Variants in TMEM40 observed in about 807,000 individuals in gnomAD.
The protein encoded by TMEM40 is transmembrane protein 40.
In TMEM40, 34 loss-of-function variants were observed where a neutral mutation model predicts 40.8. The ratio of observed to expected loss-of-function variants is 0.83; its 90% CI spans 0.63 to 1.11. The LOEUF is 1.11. TMEM40 is among the 50% of genes least tolerant of loss of function. TMEM40 has a pLI of 0.00. For synonymous variants in TMEM40, 106 were observed against 107.0 expected, an observed-to-expected ratio of 0.99 and a Z score of 0.06; for missense variants, 296 against 280.2, an observed-to-expected ratio of 1.06 and a Z score of -0.40.
intron 1 of TMEM40, among the ~76,000 whole-genome samples, chr3:12,756,475 T>G (rs918139108): frequency 3.9e-5 from 6 of 152,236 alleles, no homozygotes; most frequent in African/African-American, 1.4e-4. Flanking sequence ...TTTTTGGGTC[T>G]AATCAGATAA....
chr3:12,737,229 T>G (rs2061344352), intron 8 of TMEM40, among the ~76,000 whole-genome samples: 1 of 150,910 alleles, frequency 6.6e-6, no homozygotes, highest in African/African-American at 2.4e-5. Flanking sequence ...TGGAGCACCA[T>G]GGTCTTTCCT....
intron 6 of TMEM40, 32 bp downstream of exon 6, chr3:12,738,521 C>T (rs1273300973): frequency 6.2e-7 from 1 of 1,613,326 alleles, no homozygotes; most frequent in Non-Finnish European, 8.5e-7. Context: ...ATACCAGCAC[C>T]AACGACCTCT....
chr3:12,741,142 T>C (rs1474632264), intron 5 of TMEM40: 1 of 152,296 alleles, frequency 6.6e-6, no homozygotes, highest in Non-Finnish European at 1.5e-5. Context: ...GCTCCCACCA[T>C]GATTGTTGAG....
At position 12,748,694 on chromosome 3, in the gene TMEM40, A is replaced by AG. The variant is rs2061448298; in HGVS notation, c.171dup (p.Ser58LeufsTer17). 2.5e-6 allele frequency: 4 copies of AG among 1,613,506 alleles called. No individual in the cohort carries two copies. Among genetic ancestry groups the AG allele is most frequent in the Admixed American group, 1.7e-5 (1 of 60,006 alleles). ...GATGAAGAAGATGAGGAGGATGAGG[A>AG]GGAAGAGGAGGAGGAGGAAGAAGAC... On this transcript the variant is annotated frameshift_variant, in exon 3 of 12. Coordinates refer to ENST00000314124, the MANE Select transcript of TMEM40 (RefSeq NM_018306.4). LOFTEE classifies it high-confidence loss of function.
In TMEM40 at chr3:12,737,688, G is replaced by A; in HGVS notation, c.472+19C>T. On this transcript the variant is annotated intron_variant, in intron 8 of 11. Coordinates refer to ENST00000314124, the MANE Select transcript of TMEM40 (RefSeq NM_018306.4). Reference sequence around the variant, plus strand: ...TAGCCAGACAGGAAAAAGCAGCTCTGCTACACCAAGTTCCTTACCATCTTT... The same window carrying A: ...TAGCCAGACAGGAAAAAGCAGCTCTACTACACCAAGTTCCTTACCATCTTT... 6.2e-7 allele frequency: 1 copy of A among 1,613,600 alleles called. No individual in the cohort carries two copies. The highest frequency in any genetic ancestry group is 8.5e-7 in the Non-Finnish European group (1 of 1,179,646).
chr3:12,761,821 G>C (rs1319531753), upstream of TMEM40, among the ~76,000 whole-genome samples: 1 of 152,014 alleles, frequency 6.6e-6, no homozygotes, highest in African/African-American at 2.4e-5. Flanking sequence ...TGGCTGGTCA[G>C]GATTGAAATG....
chr3:12,739,531 A>G (rs953344863), intron 5 of TMEM40, among the ~76,000 whole-genome samples: 2 of 151,128 alleles, frequency 1.3e-5, no homozygotes, highest in African/African-American at 2.4e-5. Context: ...TGATCCACCC[A>G]CCTCAGCCTC....
chr3:12,768,907 CGGGCCG>C (rs1217849165), intron 1 of TMEM40, among the ~76,000 whole-genome samples: 3 of 26,518 alleles, frequency 1.1e-4, no homozygotes, highest in Non-Finnish European at 2.0e-4. Flanking sequence ...CGGGGCAGGG[CGGGCCG>C]GGGCCGGGGC....
At chr3:12,737,385 C>T (rs750018425) in intron 8 of TMEM40, 2 of 389,422 alleles carry the variant, frequency 5.1e-6, no homozygotes, top group Non-Finnish European at 9.2e-6. Flanking sequence ...GTTCCCCATC[C>T]TGGCCACAAG....
At chr3:12,735,890 G>A (rs369495426) in intron 10 of TMEM40, among the ~76,000 whole-genome samples, 2 of 152,142 alleles carry the variant, frequency 1.3e-5, no homozygotes, top group African/African-American at 2.4e-5. Context: ...TATTTTGTTT[G>A]CCACTTTTAT....
chr3:12,757,176 G>A (rs895600985), intron 1 of TMEM40, among the ~76,000 whole-genome samples: 3 of 152,154 alleles, frequency 2.0e-5, no homozygotes, highest in Non-Finnish European at 4.4e-5. Context: ...CACATAGAAA[G>A]ATGCTTCACA....
intron 8 of TMEM40, among the ~76,000 whole-genome samples, chr3:12,737,224 C>T (rs1462843547): frequency 6.7e-6 from 1 of 150,346 alleles, no homozygotes; most frequent in Admixed American, 6.7e-5. Flanking sequence ...CTGTGTGGAG[C>T]ACCATGGTCT....
At chr3:12,745,226 A>ATTT (rs144839288) in intron 3 of TMEM40, among the ~76,000 whole-genome samples, 4,923 of 127,022 alleles carry the variant, frequency 0.039, 293 homozygotes, top group African/African-American at 0.13. Flanking sequence ...CACCTGGCTA[A>ATTT]TTTTTTTTTT....
intron 4 of TMEM40, among the ~76,000 whole-genome samples, chr3:12,742,949 G>A (rs1575734335): frequency 1.3e-5 from 2 of 152,194 alleles, no homozygotes; most frequent in Admixed American, 1.3e-4. Context: ...CCAGCAAGTG[G>A]CAACTCTACC....
At position 12,736,667 on chromosome 3, in the gene TMEM40, A is replaced by G; in HGVS notation, c.545-15T>C. On this transcript the variant is annotated splice_polypyrimidine_tract_variant and intron_variant, in intron 9 of 11. Coordinates refer to ENST00000314124, the MANE Select transcript of TMEM40 (RefSeq NM_018306.4). Reference sequence around the variant, plus strand: ...CATGAACCAGTCTGGAAGGGCAGTGAGGGAGGGAATGGTCAGCCTCCAGGT... The same window carrying G: ...CATGAACCAGTCTGGAAGGGCAGTGGGGGAGGGAATGGTCAGCCTCCAGGT... The G allele has an allele frequency of 6.2e-7, 1 of 1,611,372 alleles. No individual in the cohort carries two copies. The highest frequency in any genetic ancestry group is 8.5e-7 in the Non-Finnish European group (1 of 1,178,622).
At chr3:12,760,171 T>C (rs1319452150), upstream of TMEM40, among the ~76,000 whole-genome samples, 1 of 152,176 alleles carries the variant, frequency 6.6e-6, no homozygotes, top group Non-Finnish European at 1.5e-5. Context: ...ACTGTCACCT[T>C]GATCCAGCCA....
Position 12,734,722 on chromosome 3 carries a change from C to T in TMEM40, c.*52G>A, listed in dbSNP as rs2061325718. ...GCTCTGCCCTTGTGGGCTCAGGGGT[C>T]GCAGTGGTGGTCACACTGGGGCCTG... is the stretch of plus-strand genomic sequence containing the variant. On this transcript the variant is annotated 3_prime_UTR_variant, in exon 12 of 12. Coordinates refer to ENST00000314124, the MANE Select transcript of TMEM40 (RefSeq NM_018306.4). The T allele has an allele frequency of 2.5e-6, 4 of 1,569,470 alleles. No individual in the cohort carries two copies. Among genetic ancestry groups the T allele is most frequent in the South Asian group, 1.2e-5 (1 of 85,800 alleles).
intron 10 of TMEM40, 104 bp from the exon 11 acceptor site, chr3:12,735,721 G>T: frequency 2.2e-6 from 2 of 922,766 alleles, no homozygotes; most frequent in Non-Finnish European, 3.3e-6. Flanking sequence ...AGCTCTGATG[G>T]TGGAACTTCA....
At chr3:12,750,765 A>T (rs2106616582) in intron 1 of TMEM40, among the ~76,000 whole-genome samples, 1 of 152,238 alleles carries the variant, frequency 6.6e-6, no homozygotes, top group Middle Eastern at 3.4e-3. Flanking sequence ...CATTTAAACC[A>T]TGTTTCTCAG....
Sources: allele counts gnomAD v4.1 joint callset (sites outside exome capture counted in the v4.1 genomes callset), GRCh38; gene constraint gnomAD v4.1.1; transcripts MANE v1.5; gene names NCBI Gene and HGNC (gene_info 2026-07-23, HGNC 2026-07-21).